Variants in TENM2 observed in about 807,000 individuals in gnomAD.
The protein encoded by TENM2 is teneurin transmembrane protein 2.
TENM2 carries 52 observed loss-of-function variants against 245.2 expected under a neutral mutation model. The observed-to-expected ratio is 0.21, with a 90% CI of 0.17 to 0.27. The LOEUF is 0.27. Ranked by LOEUF, TENM2 falls within the 10% of genes least tolerant of loss-of-function variation. TENM2 has a pLI of 1.00. For missense variants in TENM2, 3,046 were observed against 3,666.8 expected (o/e 0.83, Z 4.37); for synonymous variants, 1,363 against 1,438.9 (o/e 0.95, Z 1.19).
At chr5:167,238,009 C>CAAAAAAA in the TENM2 span, among the ~76,000 whole-genome samples, 27 of 44,066 alleles carry the variant, frequency 6.1e-4, no homozygotes, top group South Asian at 2.1e-3. Flanking sequence ...GACTCTGTCT[C>CAAAAAAA]AAAAAAAAAA....
intron 5 of TENM2, among the ~76,000 whole-genome samples, chr5:168,026,762 A>G (rs1786665489): frequency 6.6e-6 from 1 of 152,194 alleles, no homozygotes; most frequent in South Asian, 2.1e-4. Flanking sequence ...TAATTCTTGA[A>G]TAGCCCTTAG....
intron 2 of TENM2, among the ~76,000 whole-genome samples, chr5:167,701,212 A>G (rs1758119563): frequency 1.3e-5 from 2 of 152,144 alleles, no homozygotes; most frequent in Admixed American, 6.5e-5. Flanking sequence ...TTTCCCAGTC[A>G]TTACATCTCC....
the TENM2 span, among the ~76,000 whole-genome samples, chr5:167,184,028 C>T: frequency 9.9e-5 from 15 of 152,218 alleles, no homozygotes; most frequent in Middle Eastern, 3.4e-3. Context: ...AGAAAACATA[C>T]GTTATTTTTA....
chr5:167,760,893 C>G (rs536664982), intron 2 of TENM2, among the ~76,000 whole-genome samples: 1 of 152,046 alleles, frequency 6.6e-6, no homozygotes, highest in Non-Finnish European at 1.5e-5. Context: ...TCAGGTGATC[C>G]GCCCACCTTG....
At chr5:167,140,605 G>C in the TENM2 span, among the ~76,000 whole-genome samples, 1 of 152,130 alleles carries the variant, frequency 6.6e-6, no homozygotes, top group African/African-American at 2.4e-5. Flanking sequence ...ATGCTGAACT[G>C]TATTTAGCTG....
chr5:167,806,093 C>T (rs1766143668), intron 2 of TENM2, among the ~76,000 whole-genome samples: 1 of 152,060 alleles, frequency 6.6e-6, no homozygotes, highest in African/African-American at 2.4e-5. Context: ...CACCGGATGC[C>T]ACGGTAGGCT....
chr5:168,138,444 A>C (rs1755255703), intron 12 of TENM2, among the ~76,000 whole-genome samples: 1 of 152,270 alleles, frequency 6.6e-6, no homozygotes, highest in Non-Finnish European at 1.5e-5. Context: ...TGAATGGCTA[A>C]GAAAATTGTA....
At chr5:167,844,570 G>A (rs560827617) in intron 2 of TENM2, among the ~76,000 whole-genome samples, 2 of 152,294 alleles carry the variant, frequency 1.3e-5, no homozygotes, top group South Asian at 4.2e-4. Flanking sequence ...GAATCACCAG[G>A]ATGCATTTGT....
intron 2 of TENM2, among the ~76,000 whole-genome samples, chr5:167,445,336 T>TATATAGAGAGAGAG (rs368881390): frequency 1.0e-3 from 79 of 77,262 alleles, no homozygotes; most frequent in East Asian, 1.4e-3. Flanking sequence ...TATATATATA[T>TATATAGAGAGAGAG]AGAGAGAGAG....
intron 7 of TENM2, among the ~76,000 whole-genome samples, chr5:168,086,834 TG>T (rs1792501625): frequency 6.6e-6 from 1 of 152,182 alleles, no homozygotes; most frequent in African/African-American, 2.4e-5. Flanking sequence ...TGTTGAGGGA[TG>T]AAAAGGAAAC....
At chr5:167,534,341 G>T (rs762000762) in intron 2 of TENM2, among the ~76,000 whole-genome samples, 1 of 152,140 alleles carries the variant, frequency 6.6e-6, no homozygotes, top group African/African-American at 2.4e-5. Flanking sequence ...TTCAAAGAGC[G>T]TGAAAACCAC....
chr5:167,852,512 C>G (rs1419481170), intron 2 of TENM2, among the ~76,000 whole-genome samples: 2 of 152,106 alleles, frequency 1.3e-5, no homozygotes, highest in Non-Finnish European at 2.9e-5. Flanking sequence ...ATTATTTATC[C>G]CTATTTAACT....
At chr5:167,537,939 G>A (rs886907536) in intron 2 of TENM2, among the ~76,000 whole-genome samples, 1 of 152,326 alleles carries the variant, frequency 6.6e-6, no homozygotes, top group Middle Eastern at 3.4e-3. Context: ...ATTCAACTTA[G>A]CTGTCAAACA....
At chr5:167,813,310 T>C (rs1583074327) in intron 2 of TENM2, among the ~76,000 whole-genome samples, 3 of 152,090 alleles carry the variant, frequency 2.0e-5, no homozygotes, top group South Asian at 4.2e-4. Context: ...TGGGAGGCTT[T>C]CAGAGGAAGG....
the TENM2 span, among the ~76,000 whole-genome samples, chr5:167,008,117 G>T: frequency 6.6e-6 from 1 of 152,128 alleles, no homozygotes; most frequent in Non-Finnish European, 1.5e-5. Context: ...CTATCTCAGG[G>T]TCTGTTTCTG....
At chr5:167,628,433 TC>T (rs2127786046) in intron 2 of TENM2, among the ~76,000 whole-genome samples, 1 of 152,308 alleles carries the variant, frequency 6.6e-6, no homozygotes, top group South Asian at 2.1e-4. Context: ...TCCATTCTCT[TC>T]CCTCGTGGTA....
intron 3 of TENM2, among the ~76,000 whole-genome samples, chr5:167,882,678 A>C (rs1242133726): frequency 6.6e-6 from 1 of 152,196 alleles, no homozygotes; most frequent in Non-Finnish European, 1.5e-5. Context: ...CCAGATGCCT[A>C]TAAAACCATC....
intron 8 of TENM2, 146 bp downstream of exon 10, chr5:168,090,915 C>A: frequency 1.5e-6 from 1 of 665,486 alleles, no homozygotes; most frequent in East Asian, 2.6e-5. Context: ...ATAGTGTCAC[C>A]CACCTGAAAC....
At chr5:167,832,242 A>G (rs1343465592) in intron 2 of TENM2, among the ~76,000 whole-genome samples, 2 of 152,204 alleles carry the variant, frequency 1.3e-5, no homozygotes, top group South Asian at 4.1e-4. Context: ...CGTGGATTAC[A>G]TGCTTTTAAT....
Sources: allele counts gnomAD v4.1 joint callset (sites outside exome capture counted in the v4.1 genomes callset), GRCh38; gene constraint gnomAD v4.1.1; transcripts MANE v1.5; gene names NCBI Gene and HGNC (gene_info 2026-07-23, HGNC 2026-07-21).